The following YME1L1 variants were observed in gnomAD, a reference collection of about 807,000 sequenced individuals.
The protein encoded by YME1L1 is ATP-dependent zinc metalloprotease YME1L1.
A neutral mutation model predicts 90.4 loss-of-function variants in YME1L1; 39 were observed. That is an observed-to-expected ratio of 0.43 (90% CI 0.33 to 0.56). The LOEUF is 0.56. Among genes scored for constraint, YME1L1 ranks in the 20% least tolerant of loss-of-function variants. YME1L1 has a pLI of 0.03. For synonymous variants in YME1L1, 284 were observed against 287.3 expected (o/e 0.99, Z 0.12); for missense variants, 617 against 868.4 (o/e 0.71, Z 3.64).
rs73598028 is a variant in YME1L1 at position 27,139,851 on chromosome 10, A to C, written c.430+2536T>G. 5.1e-3 allele frequency among the ~76,000 whole-genome samples: 779 copies of C among 152,270 alleles called. 9 individuals carry two copies. Among genetic ancestry groups the C allele is most frequent in the African/African-American group, 0.018 (735 of 41,560 alleles). On this transcript the variant is annotated intron_variant, in intron 4 of 18. Transcript: ENST00000376016. ...TGTCTGTATTTTCCTGTTGTTTCTT[A>C]ATCAGAATTGTTAAATTGTTCCTTT... is the stretch of plus-strand genomic sequence containing the variant.
chr10:27,114,663 T>C (rs2056793520), intron 17 of YME1L1, 56 bp from the exon 18 acceptor site: 1 of 1,359,932 alleles, frequency 7.4e-7, no homozygotes, highest in African/African-American at 1.5e-5. Context: ...ACCAACAAAT[T>C]TGAAAGAGAA....
Position 27,131,876 on chromosome 10 carries a change from AGG to A in YME1L1, c.839_840del (p.Thr280IlefsTer2). On this transcript the variant is annotated frameshift_variant, in exon 8 of 19. Transcript: ENST00000376016. LOFTEE classifies it high-confidence loss of function. ...TAACTTACCCCTTTAACATGTTCAA[AGG>A]TGACATTTTTCATCTGGACAGGATC... ...AVDPVQMKNV[T>X]FEHVKGVEEA... is the part of the protein sequence containing the mutation. 3 of 1,612,724 alleles carry A rather than the reference AGG, an allele frequency of 1.9e-6. No homozygotes were observed. The highest frequency in any genetic ancestry group is 2.5e-6 in the Non-Finnish European group (3 of 1,179,590).
In YME1L1 at chr10:27,149,058, T is replaced by C; in HGVS notation, c.34-18A>G. On this transcript the variant is annotated intron_variant, in intron 1 of 18. Transcript: ENST00000376016. ...ACTGTAACCTAGAAAAAGATAAAAG[T>C]TAAAAACTAAGTAGTTTTTTTTTAA... The C allele has an allele frequency of 6.3e-7, 1 of 1,578,728 alleles. No individual in the cohort carries two copies. The highest frequency in any genetic ancestry group is 1.2e-5 in the South Asian group (1 of 84,902).
At chr10:27,121,556 G>A (rs1468551344) in intron 11 of YME1L1, 108 bp from the exon 12 acceptor site, 23 of 772,710 alleles carry the variant, frequency 3.0e-5, no homozygotes, top group Non-Finnish European at 4.9e-5. Context: ...ACTAGGACTC[G>A]CTTTGTGGCC....
intron 7 of YME1L1, 85 bp downstream of exon 7, chr10:27,133,954 T>C: frequency 2.1e-6 from 2 of 939,898 alleles, no homozygotes; most frequent in East Asian, 2.6e-5. Flanking sequence ...ATATGTTCTT[T>C]CTTTAAGGGT....
chr10:27,110,755 A>G lies in YME1L1; in HGVS notation c.*1222T>C, dbSNP rs2056751539. 1 of 152,254 alleles carries G rather than the reference A, an allele frequency of 6.6e-6. No homozygotes were observed. The highest frequency in any genetic ancestry group is 2.1e-4 in the South Asian group (1 of 4,836). The allele number at this position is 152,254 out of a possible 1,614,324, so 9.4% of individuals were successfully genotyped here. ...GACATTATTCAGAATGAGGTTATGT[A>G]TTTATTTAACAAAATACTGCTTCTC... On this transcript the variant is annotated 3_prime_UTR_variant, in exon 19 of 19. Coordinates refer to ENST00000376016, the MANE Select transcript of YME1L1 (RefSeq NM_014263.4).
chr10:27,144,688 C>A (rs1449362652), intron 3 of YME1L1, among the ~76,000 whole-genome samples: 2 of 152,054 alleles, frequency 1.3e-5, no homozygotes, highest in Admixed American at 6.6e-5. Context: ...ATGTGTGTCA[C>A]CTAAAATTAA....
intron 1 of YME1L1, chr10:27,153,235 T>C (rs917315782): frequency 2.1e-6 from 1 of 470,764 alleles, no homozygotes; most frequent in African/African-American, 2.0e-5. Context: ...ACCTGGTACA[T>C]AACTGATGCC....
At chr10:27,123,019 C>A in intron 10 of YME1L1, 46 bp from the exon 11 acceptor site, 1 of 1,583,458 alleles carries the variant, frequency 6.3e-7, no homozygotes, top group Non-Finnish European at 8.5e-7. Flanking sequence ...AAAGTCAACA[C>A]TTTTGAACAA....
chr10:27,138,517 G>A (rs957510450), intron 4 of YME1L1, among the ~76,000 whole-genome samples: 2 of 151,922 alleles, frequency 1.3e-5, no homozygotes, highest in Non-Finnish European at 2.9e-5. Flanking sequence ...ATACACACAC[G>A]TGTGTATGTG....
Position 27,110,673 on chromosome 10 carries a change from T to A in YME1L1, c.*1304A>T, listed in dbSNP as rs2056750743. 6.6e-6 allele frequency: 1 copy of A among 152,192 alleles called. No individual in the cohort carries two copies. The highest frequency in any genetic ancestry group is 1.5e-5 in the Non-Finnish European group (1 of 68,016). The allele number at this position is 152,192 out of a possible 1,614,324, so 9.4% of individuals were successfully genotyped here. A position where few individuals can be genotyped will look rare whatever the true frequency, so the allele number is the denominator to read the frequency against. ...ACACAAAGTTCACTTCGGAGGGGAC[T>A]GAGATTTTTGTTTAATTTTGCTTTT... On this transcript the variant is annotated 3_prime_UTR_variant, in exon 19 of 19. Transcript: ENST00000376016.
At position 27,148,239 on chromosome 10, in the gene YME1L1, G is replaced by A. The variant is rs184659410; in HGVS notation, c.168+667C>T. Among the ~76,000 whole-genome samples, 315 of 151,296 alleles carry A rather than the reference G, an allele frequency of 2.1e-3. 2 individuals are homozygous for A. Among genetic ancestry groups the A allele is most frequent in the Middle Eastern group, 0.014 (4 of 292 alleles). ...TTTATTTTTGAGACAGAGTCTTGTT[G>A]TCACCCAGGCTGGAGTGCAGTGGTG... On this transcript the variant is annotated intron_variant, in intron 2 of 18. Coordinates refer to ENST00000376016, the MANE Select transcript of YME1L1 (RefSeq NM_014263.4).
At chr10:27,136,858 G>A (rs1412098004) in intron 4 of YME1L1, among the ~76,000 whole-genome samples, 1 of 151,874 alleles carries the variant, frequency 6.6e-6, no homozygotes, top group Non-Finnish European at 1.5e-5. Flanking sequence ...CCTAACCTCA[G>A]GTGATCCACC....
chr10:27,132,548 G>A (rs549580054), intron 7 of YME1L1, among the ~76,000 whole-genome samples: 70 of 152,042 alleles, frequency 4.6e-4, no homozygotes, highest in Admixed American at 3.4e-3. Context: ...AAGACTGGGC[G>A]TGGTGGCTCA....
Position 27,112,021 on chromosome 10 carries a change from C to G in YME1L1, c.2107G>C (p.Glu703Gln). 6.2e-7 allele frequency: 1 copy of G among 1,614,092 alleles called. No individual in the cohort carries two copies. The highest frequency in any genetic ancestry group is 8.5e-7 in the Non-Finnish European group (1 of 1,180,000). Reference protein sequence around the residue: ...LLTYETLDAKEIQIVLEGKKL... With the variant: ...LLTYETLDAKQIQIVLEGKKL... ...TTCCCCTCAAGAACAATTTGAATCT[C>G]TTTGGCATCCAAAGTCTCATAGGTC... is the stretch of plus-strand genomic sequence containing the variant. Residue 703 changes from glutamate (E) to glutamine (Q), a missense_variant, in exon 19 of 19, where the codon GAG (glutamate) becomes CAG (glutamine). This residue lies in a region of YME1L1 where 212 missense variants were observed against 330.0 expected (regional missense o/e 0.64). Transcript: ENST00000376016.
At chr10:27,113,903 G>A (rs2056785943) in intron 18 of YME1L1, among the ~76,000 whole-genome samples, 2 of 149,222 alleles carry the variant, frequency 1.3e-5, no homozygotes, top group South Asian at 2.1e-4. Context: ...GCAGTGAGCC[G>A]AGATCATGCC....
At chr10:27,132,763 C>T (rs1482817049) in intron 7 of YME1L1, among the ~76,000 whole-genome samples, 3 of 151,764 alleles carry the variant, frequency 2.0e-5, no homozygotes, top group Admixed American at 6.6e-5. Context: ...GAGGTTGCAG[C>T]GAGCCAAGAT....
Position 27,154,190 on chromosome 10 carries a change from C to A in YME1L1, c.21G>T (p.Thr7=), listed in dbSNP as rs1158561830. ...ATGCCTGGCTTACCTGGGGTTGCAC[C>A]GTGCTCGACAAGGAAAACATCTCCG... MFSLSS[T]VQPQVTVPLS... is the part of the protein sequence containing the mutation. Residue 7 remains threonine, a synonymous_variant, in exon 1 of 19, where the codon ACG becomes ACT. Transcript: ENST00000376016. The A allele has an allele frequency of 3.1e-6, 5 of 1,591,402 alleles. No homozygotes were observed. Among genetic ancestry groups the A allele is most frequent in the Non-Finnish European group, 4.3e-6 (5 of 1,168,142 alleles).
intron 18 of YME1L1, among the ~76,000 whole-genome samples, chr10:27,114,168 A>C (rs79928244): frequency 0.017 from 2,601 of 152,212 alleles, 141 homozygotes; most frequent in East Asian, 0.16. Flanking sequence ...CTGGGATTTT[A>C]GTGTATCCAT....
Sources: allele counts gnomAD v4.1 joint callset (sites outside exome capture counted in the v4.1 genomes callset), GRCh38; gene constraint gnomAD v4.1.1; regional missense constraint gnomAD v4.1.1; transcripts MANE v1.5; gene names NCBI Gene and HGNC (gene_info 2026-07-23, HGNC 2026-07-21).